Variants in KLHDC1 observed in about 807,000 individuals in gnomAD.
KLHDC1 encodes kelch domain-containing protein 1.
A neutral mutation model predicts 68.3 loss-of-function variants in KLHDC1; 53 were observed. The ratio of observed to expected loss-of-function variants is 0.78; its 90% CI spans 0.62 to 0.98. The LOEUF (loss-of-function observed/expected upper bound fraction) is 0.98. KLHDC1 is among the 50% of genes least tolerant of loss of function. KLHDC1 has a pLI of 0.00. For missense variants in KLHDC1, 470 were observed against 492.3 expected (o/e 0.95, Z 0.43); for synonymous variants, 148 against 159.0 (o/e 0.93, Z 0.52).
In KLHDC1 at chr14:49,704,906, G is replaced by A. The variant is rs964295610; in HGVS notation, c.97-4253G>A. ...TGAGGCACTGTAGTAGGCTCTGGGA[G>A]CGTAACAAGATAGACAAGATCCCTG... is the stretch of plus-strand genomic sequence containing the variant. On this transcript the variant is annotated intron_variant, in intron 1 of 12. Coordinates refer to ENST00000359332, the MANE Select transcript of KLHDC1 (RefSeq NM_172193.3). 5.9e-5 allele frequency among the ~76,000 whole-genome samples: 9 copies of A among 152,202 alleles called. No homozygotes were observed. In the South Asian group the frequency reaches 1.9e-3, roughly 32 times the overall value.
At chr14:49,744,396 T>TA (rs1889143400) in intron 12 of KLHDC1, among the ~76,000 whole-genome samples, 1 of 152,178 alleles carries the variant, frequency 6.6e-6, no homozygotes, top group African/African-American at 2.4e-5. Flanking sequence ...ATATTAAACA[T>TA]ACTATATTTC....
chr14:49,751,832 C>A lies in KLHDC1; in HGVS notation c.*60C>A. ...ACTTTTTAATCAGACTATACATTTA[C>A]ACTCCCAAATTGCAGGCTTTATTTA... is the stretch of plus-strand genomic sequence containing the variant. On this transcript the variant is annotated 3_prime_UTR_variant, in exon 13 of 13. Transcript: ENST00000359332. The A allele has an allele frequency of 1.2e-6, 1 of 803,428 alleles. No individual in the cohort carries two copies. The highest frequency in any genetic ancestry group is 1.8e-6 in the Non-Finnish European group (1 of 553,814). The allele number at this position is 803,428 out of a possible 1,614,324, so 49.8% of individuals were successfully genotyped here. A position where few individuals can be genotyped will look rare whatever the true frequency, so the allele number is the denominator to read the frequency against.
At chr14:49,702,507 A>C (rs1430497702) in intron 1 of KLHDC1, among the ~76,000 whole-genome samples, 1 of 152,222 alleles carries the variant, frequency 6.6e-6, no homozygotes, top group Admixed American at 6.6e-5. Context: ...TGTTATATGG[A>C]AGACATTTAT....
intron 10 of KLHDC1, among the ~76,000 whole-genome samples, chr14:49,738,350 T>G (rs1007505546): frequency 2.0e-5 from 3 of 150,958 alleles, no homozygotes; most frequent in African/African-American, 4.9e-5. Context: ...TTGTTTTTTT[T>G]TTTTTTGAGT....
At chr14:49,707,735 C>G (rs1193023973) in intron 1 of KLHDC1, 4 of 146,456 alleles carry the variant, frequency 2.7e-5, no homozygotes, top group Non-Finnish European at 4.5e-5. Context: ...ACTACAGCCT[C>G]GAACTCCTGA....
At chr14:49,693,688 G>A (rs1184956303) in intron 1 of KLHDC1, among the ~76,000 whole-genome samples, 1 of 150,452 alleles carries the variant, frequency 6.6e-6, no homozygotes, top group Non-Finnish European at 1.5e-5. Flanking sequence ...CCCACGGCGC[G>A]ATTCGAAATA....
chr14:49,696,732 C>T (rs1179226208), intron 1 of KLHDC1, among the ~76,000 whole-genome samples: 1 of 152,218 alleles, frequency 6.6e-6, no homozygotes, highest in Non-Finnish European at 1.5e-5. Flanking sequence ...TAGAATAGCA[C>T]TCTTGATTTC....
intron 1 of KLHDC1, among the ~76,000 whole-genome samples, chr14:49,697,125 A>T (rs140488949): frequency 6.6e-6 from 1 of 151,894 alleles, no homozygotes; most frequent in African/African-American, 2.4e-5. Context: ...TTTAATAGAG[A>T]TGGGGTTTCA....
intron 4 of KLHDC1, among the ~76,000 whole-genome samples, chr14:49,715,117 T>G (rs1226163784): frequency 1.3e-5 from 2 of 148,426 alleles, no homozygotes; most frequent in African/African-American, 4.9e-5. Context: ...TCATATATAT[T>G]TTACTTTATT....
At chr14:49,738,342 G>GTTTT (rs750397018) in intron 10 of KLHDC1, among the ~76,000 whole-genome samples, 5 of 122,998 alleles carry the variant, frequency 4.1e-5, no homozygotes, top group African/African-American at 1.5e-4. Context: ...TGGTTTTTTT[G>GTTTT]TTTTTTTTTT....
intron 1 of KLHDC1, among the ~76,000 whole-genome samples, chr14:49,695,148 G>GTT (rs1887701463): frequency 6.6e-6 from 1 of 151,350 alleles, no homozygotes; most frequent in East Asian, 1.9e-4. Context: ...GTGTGTGTGT[G>GTT]TTTTGAGACA....
intron 10 of KLHDC1, among the ~76,000 whole-genome samples, chr14:49,739,860 C>T (rs1295623461): frequency 6.6e-6 from 1 of 152,074 alleles, no homozygotes; most frequent in Non-Finnish European, 1.5e-5. Context: ...AAACTAGCCT[C>T]ATCTCTTTAA....
In KLHDC1 at chr14:49,751,744, A is replaced by C. The variant is rs1377070223; in HGVS notation, c.1193A>C (p.Asn398Thr). 6 of 1,585,464 alleles carry C rather than the reference A, an allele frequency of 3.8e-6. No individual in the cohort carries two copies. Among genetic ancestry groups the C allele is most frequent in the Non-Finnish European group, 4.3e-6 (5 of 1,163,406 alleles). The change falls in exon 13 of 13, where the codon AAT becomes ACT. Residue 398 changes from asparagine to threonine, a missense_variant. By Grantham distance (65) the Asn-to-Thr change is moderately conservative. Coordinates refer to ENST00000359332, the MANE Select transcript of KLHDC1 (RefSeq NM_172193.3). ...EQRVQKEETE[N>T]KYQWISSN ...AGAGTCCAAAAAGAAGAAACAGAAA[A>C]TAAATATCAGTGGATCAGTAGCAAT...
chr14:49,712,647 A>G (rs934927421), intron 4 of KLHDC1, among the ~76,000 whole-genome samples: 1 of 149,006 alleles, frequency 6.7e-6, no homozygotes, highest in East Asian at 2.1e-4. Flanking sequence ...GACTACAGGC[A>G]TGTGCCACCA....
chr14:49,725,736 A>G lies in KLHDC1; in HGVS notation c.534A>G (p.Thr178=). 6.3e-7 allele frequency: 1 copy of G among 1,584,270 alleles called. No individual in the cohort carries two copies. The highest frequency in any genetic ancestry group is 8.6e-7 in the Non-Finnish European group (1 of 1,160,376). Residue 178 remains threonine, a synonymous_variant, in exon 6 of 13, where the codon ACA becomes ACG. Transcript: ENST00000359332. ...GWHNDVHIFD[T]KTQTWFQPEI... is the part of the protein sequence containing the mutation. Reference sequence around the variant, plus strand: ...ATAATGATGTCCACATATTTGACACAAAGACACAGACTTGGTTTCAACCAG... The same window carrying G: ...ATAATGATGTCCACATATTTGACACGAAGACACAGACTTGGTTTCAACCAG...
chr14:49,709,184 T>C lies in KLHDC1; in HGVS notation c.122T>C (p.Leu41Ser). Residue 41 changes from leucine (L) to serine (S), a missense_variant, in exon 2 of 13, where the codon TTG (leucine) becomes TCG (serine). By Grantham distance (145) the Leu-to-Ser change is moderately radical. Transcript: ENST00000359332. ...YVSIEDNEVY[L>S]PNDEIWTYDI... ...TCTATTGAAGACAATGAAGTATATT[T>C]GCCTAATGATGAAATTTGGACCTAT... is the stretch of plus-strand genomic sequence containing the variant. The C allele has an allele frequency of 7.3e-7, 1 of 1,377,836 alleles. No homozygotes were observed. Among genetic ancestry groups the C allele is most frequent in the Non-Finnish European group, 1.0e-6 (1 of 981,460 alleles). The allele number at this position is 1,377,836 out of a possible 1,614,324, so 85.4% of individuals were successfully genotyped here. A position where few individuals can be genotyped will look rare whatever the true frequency, so the allele number is the denominator to read the frequency against.
At chr14:49,709,271 AT>A in intron 2 of KLHDC1, 42 bp downstream of exon 2, 1 of 831,370 alleles carries the variant, frequency 1.2e-6, no homozygotes, top group East Asian at 2.7e-5. Flanking sequence ...CTTAATATCT[AT>A]TATAAATGTT....
chr14:49,709,114 G>T lies in KLHDC1; in HGVS notation c.97-45G>T, dbSNP rs558505343. 2.1e-5 allele frequency: 17 copies of T among 812,090 alleles called. No individual in the cohort carries two copies. The African/African-American group carries it at 2.1e-4, about 10-fold the overall frequency. The allele number at this position is 812,090 out of a possible 1,614,324, so 50.3% of individuals were successfully genotyped here. On this transcript the variant is annotated intron_variant, in intron 1 of 12. Transcript: ENST00000359332. ...ATCCTGAGAAGCTGTGTAACTGTTTGCTGTGTAACTGATAAACATAATTTT... is the reference window on the plus strand; with the variant it reads ...ATCCTGAGAAGCTGTGTAACTGTTTTCTGTGTAACTGATAAACATAATTTT...
intron 8 of KLHDC1, 65 bp from the exon 9 acceptor site, chr14:49,732,639 G>A (rs1260970971): frequency 1.3e-6 from 1 of 779,682 alleles, no homozygotes; most frequent in Non-Finnish European, 2.1e-6. Flanking sequence ...TAAGATCTAA[G>A]ATGATTAAAA....
Sources: gnomAD v4.1 joint callset for allele counts (sites outside exome capture counted in the v4.1 genomes callset) on GRCh38, gnomAD v4.1.1 for gene constraint, MANE v1.5 for transcripts, NCBI Gene and HGNC (gene_info 2026-07-23, HGNC 2026-07-21) for gene names.